Variants in SLC25A21 observed in about 807,000 individuals in gnomAD.
SLC25A21 encodes solute carrier family 25 member 21.
Under a neutral mutation model 43.8 loss-of-function variants are expected in SLC25A21, and 47 were observed. That is an observed-to-expected ratio of 1.07 (90% CI 0.85 to 1.37). The LOEUF (loss-of-function observed/expected upper bound fraction) is 1.37, where lower values mean the gene tolerates loss of function less well. Among genes scored for constraint, SLC25A21 ranks in the 40% most tolerant of loss-of-function variants. SLC25A21 has a pLI of 0.00. For synonymous variants in SLC25A21, 131 were observed against 121.3 expected, an observed-to-expected ratio of 1.08 and a Z score of -0.52; for missense variants, 352 against 350.2, an observed-to-expected ratio of 1.00 and a Z score of -0.04.
chr14:36,870,988 GAGCTCTAACCACCAGGGTGAGACCGTTC>G (rs1199284622), intron 2 of SLC25A21: 5 of 152,196 alleles, frequency 3.3e-5, no homozygotes, highest in Non-Finnish European at 7.3e-5. Context: ...CGTGTGGTCA[GAGCTCTAACCACCAGGGTGAGACCGTTC>G]AGCTCTATTC....
intron 3 of SLC25A21, among the ~76,000 whole-genome samples, chr14:36,775,483 C>CA (rs1886788103): frequency 1.3e-5 from 2 of 152,034 alleles, no homozygotes; most frequent in African/African-American, 4.8e-5. Flanking sequence ...TTATAGAAAA[C>CA]AAAAAAACAC....
At chr14:37,077,624 C>T (rs1244408022) in intron 1 of SLC25A21, among the ~76,000 whole-genome samples, 1 of 152,160 alleles carries the variant, frequency 6.6e-6, no homozygotes, top group Non-Finnish European at 1.5e-5. Flanking sequence ...TACTACCCTA[C>T]ACTGGGTAAT....
chr14:36,879,244 A>C (rs1360806579), intron 1 of SLC25A21, among the ~76,000 whole-genome samples: 1 of 152,288 alleles, frequency 6.6e-6, no homozygotes, highest in East Asian at 1.9e-4. Flanking sequence ...AACATAAAAC[A>C]CATATTTTCT....
intron 2 of SLC25A21, among the ~76,000 whole-genome samples, chr14:36,845,900 C>T (rs891679001): frequency 4.6e-5 from 7 of 152,096 alleles, no homozygotes; most frequent in South Asian, 2.1e-4. Context: ...ATTCAGTTTA[C>T]GGTTGGAGTG....
intron 1 of SLC25A21, among the ~76,000 whole-genome samples, chr14:37,024,958 A>T (rs1367412585): frequency 6.6e-6 from 1 of 152,186 alleles, no homozygotes; most frequent in Non-Finnish European, 1.5e-5. Flanking sequence ...ATTTAGTTGC[A>T]AATAACTAAA....
intron 1 of SLC25A21, among the ~76,000 whole-genome samples, chr14:37,059,942 C>T (rs1961908733): frequency 1.3e-5 from 2 of 152,104 alleles, no homozygotes; most frequent in South Asian, 4.2e-4. Flanking sequence ...GGAGCTAAGG[C>T]AGCAAGCTAA....
intron 1 of SLC25A21, among the ~76,000 whole-genome samples, chr14:36,903,712 A>G (rs931507445): frequency 6.6e-6 from 1 of 151,664 alleles, no homozygotes; most frequent in African/African-American, 2.4e-5. Flanking sequence ...ATTGCTTGAT[A>G]AACTAAAATA....
chr14:37,065,480 G>A (rs1209285753), intron 1 of SLC25A21, among the ~76,000 whole-genome samples: 1 of 152,174 alleles, frequency 6.6e-6, no homozygotes, highest in African/African-American at 2.4e-5. Flanking sequence ...CAACATCAAA[G>A]CTCAGTTCAT....
At chr14:36,876,896 T>TACAG (rs1555333940) in intron 1 of SLC25A21, among the ~76,000 whole-genome samples, 2 of 138,360 alleles carry the variant, frequency 1.4e-5, no homozygotes, top group African/African-American at 2.7e-5. Flanking sequence ...ATGATGGGAT[T>TACAG]ATAGATAGAT....
intron 1 of SLC25A21, among the ~76,000 whole-genome samples, chr14:37,032,190 A>G (rs1430353315): frequency 6.6e-6 from 1 of 152,182 alleles, no homozygotes; most frequent in Admixed American, 6.5e-5. Flanking sequence ...ATGCGATAAG[A>G]TATTTAAACA....
At chr14:36,813,893 AT>A in intron 3 of SLC25A21, 24 bp downstream of exon 3, 1 of 1,459,188 alleles carries the variant, frequency 6.9e-7, no homozygotes, top group Non-Finnish European at 9.5e-7. Flanking sequence ...ACATATTAAA[AT>A]GGCTATATGA....
Position 37,018,029 on chromosome 14 carries a change from C to CAT in SLC25A21, c.71-143027_71-143026dup, listed in dbSNP as rs199937621. Among the ~76,000 whole-genome samples the CAT allele has an allele frequency of 8.8e-3, 1,337 of 151,590 alleles. 10 individuals carry two copies. Among genetic ancestry groups the CAT allele is most frequent in the Non-Finnish European group, 0.011 (775 of 67,876 alleles). On this transcript the variant is annotated intron_variant, in intron 1 of 9. Coordinates refer to ENST00000331299, the MANE Select transcript of SLC25A21 (RefSeq NM_030631.4). ...TATGCAATGATATACATAATAATGA[C>CAT]ATATATGGAAATTGATTAAATTATG...
chr14:36,945,074 T>C (rs2138654338), intron 1 of SLC25A21, among the ~76,000 whole-genome samples: 1 of 152,222 alleles, frequency 6.6e-6, no homozygotes, highest in South Asian at 2.1e-4. Flanking sequence ...AAAACCTCTT[T>C]CCCCTGACTC....
chr14:36,693,908 AT>A (rs761513347), intron 7 of SLC25A21, among the ~76,000 whole-genome samples: 138 of 152,196 alleles, frequency 9.1e-4, no homozygotes, highest in Middle Eastern at 3.4e-3. Context: ...TTCCACCAAA[AT>A]TTTTTAAAAA....
chr14:37,024,618 G>C (rs1161861598), intron 1 of SLC25A21, among the ~76,000 whole-genome samples: 1 of 151,848 alleles, frequency 6.6e-6, no homozygotes, highest in African/African-American at 2.4e-5. Flanking sequence ...ATGATTATTA[G>C]AGGCAGAAGA....
chr14:36,679,576 T>C lies in SLC25A21; in HGVS notation c.*1082A>G, dbSNP rs561841229. 3.0e-6 allele frequency: 3 copies of C among 985,450 alleles called. No homozygotes were observed. Among genetic ancestry groups the C allele is most frequent in the Admixed American group, 6.1e-5 (1 of 16,290 alleles). 61.0% of individuals were successfully genotyped at this position (985,450 alleles called of 1,614,324 possible). A position where few individuals can be genotyped will look rare whatever the true frequency, so the allele number is the denominator to read the frequency against. The stretch of plus-strand genomic sequence containing the variant: ...ATATTTTTGTTGATACATGTTAGTA[T>C]AGTAATCCTTAGAAATGCTAAGTGT... On this transcript the variant is annotated 3_prime_UTR_variant, in exon 10 of 10. Coordinates refer to ENST00000331299, the MANE Select transcript of SLC25A21 (RefSeq NM_030631.4).
chr14:36,705,632 C>T (rs1883511713), intron 7 of SLC25A21, among the ~76,000 whole-genome samples: 1 of 152,126 alleles, frequency 6.6e-6, no homozygotes, highest in African/African-American at 2.4e-5. Context: ...CACACAATTC[C>T]CCATTTCCAC....
chr14:36,734,494 A>G lies in SLC25A21; in HGVS notation c.270+13T>C. 1 of 1,602,696 alleles carries G rather than the reference A, an allele frequency of 6.2e-7. No individual in the cohort carries two copies. The highest frequency in any genetic ancestry group is 8.5e-7 in the Non-Finnish European group (1 of 1,173,428). Reference sequence around the variant, plus strand: ...CCCTACTTTTGCTTGGTGCGAACGCATGCAATGCTTACCTTCACTGCTCTT... The same window carrying G: ...CCCTACTTTTGCTTGGTGCGAACGCGTGCAATGCTTACCTTCACTGCTCTT... On this transcript the variant is annotated intron_variant, in intron 4 of 9. Coordinates refer to ENST00000331299, the MANE Select transcript of SLC25A21 (RefSeq NM_030631.4).
intron 1 of SLC25A21, among the ~76,000 whole-genome samples, chr14:37,111,647 C>A (rs1476588766): frequency 6.6e-6 from 1 of 152,132 alleles, no homozygotes; most frequent in African/African-American, 2.4e-5. Context: ...GTTCACTCTC[C>A]TCTAAGGAGC....
Sources: allele counts gnomAD v4.1 joint callset (sites outside exome capture counted in the v4.1 genomes callset), GRCh38; gene constraint gnomAD v4.1.1; transcripts MANE v1.5; gene names NCBI Gene and HGNC (gene_info 2026-07-23, HGNC 2026-07-21).